The following EEF1AKMT2 variants were observed in gnomAD, a reference collection of about 807,000 sequenced individuals.
EEF1AKMT2 encodes the protein EEF1A lysine methyltransferase 2.
In EEF1AKMT2, 32 loss-of-function variants were observed where a neutral mutation model predicts 35.8. The observed-to-expected ratio is 0.89, with a 90% confidence interval of 0.67 to 1.20. EEF1AKMT2 has a LOEUF of 1.20. Ranked by LOEUF, EEF1AKMT2 falls within the 50% of genes most tolerant of loss-of-function variation. EEF1AKMT2 has a pLI of 0.00. For synonymous variants in EEF1AKMT2, 121 were observed against 133.7 expected, an observed-to-expected ratio of 0.91 and a Z score of 0.65; for missense variants, 330 against 347.5, an observed-to-expected ratio of 0.95 and a Z score of 0.40.
At chr10:124,765,301 TA>T in intron 5 of EEF1AKMT2, 90 bp downstream of exon 5, 2 of 1,081,248 alleles carry the variant, frequency 1.8e-6, no homozygotes, top group African/African-American at 1.6e-5. Flanking sequence ...AATAGAAAAG[TA>T]AAACACTATA....
intron 5 of EEF1AKMT2, among the ~76,000 whole-genome samples, chr10:124,764,728 A>G (rs749534283): frequency 6.6e-6 from 1 of 152,232 alleles, no homozygotes; most frequent in South Asian, 2.1e-4. Context: ...CTATAATATC[A>G]AAACTCTCAG....
At chr10:124,775,268 T>C (rs1950478961) in intron 3 of EEF1AKMT2, among the ~76,000 whole-genome samples, 1 of 152,240 alleles carries the variant, frequency 6.6e-6, no homozygotes, top group Non-Finnish European at 1.5e-5. Context: ...TACATTTGTA[T>C]ACTACTTTTA....
chr10:124,765,512 C>T lies in EEF1AKMT2; in HGVS notation c.496G>A (p.Ala166Thr), dbSNP rs1479957797. The change falls in exon 5 of 7, where the codon GCA becomes ACA. Residue 166 changes from alanine to threonine, a missense_variant. By Grantham distance (58) the Ala-to-Thr change is moderately conservative. Transcript: ENST00000368836. ...ACATATTGCTTCCTCTTCTCAATTG[C>T]ATTGTCAGGATTAAGGCTTATGGCA... ...FDAISLNPDN[A>T]IEKRKQYVKS... The T allele has an allele frequency of 6.2e-7, 1 of 1,613,924 alleles. No individual in the cohort carries two copies. The highest frequency in any genetic ancestry group is 1.7e-5 in the Admixed American group (1 of 60,016).
At chr10:124,772,072 AAAG>A (rs1950441619) in intron 4 of EEF1AKMT2, among the ~76,000 whole-genome samples, 1 of 152,198 alleles carries the variant, frequency 6.6e-6, no homozygotes, top group Non-Finnish European at 1.5e-5. Flanking sequence ...GAGCTCATGC[AAAG>A]AAGATCTAGC....
At chr10:124,780,985 T>A (rs1288061514) in intron 3 of EEF1AKMT2, among the ~76,000 whole-genome samples, 7 of 151,984 alleles carry the variant, frequency 4.6e-5, no homozygotes, top group Admixed American at 4.6e-4. Flanking sequence ...CTTGCTCTGC[T>A]GCCAAGCTGG....
intron 3 of EEF1AKMT2, among the ~76,000 whole-genome samples, chr10:124,786,521 A>T (rs1380661862): frequency 6.6e-6 from 1 of 150,710 alleles, no homozygotes; most frequent in Non-Finnish European, 1.5e-5. Context: ...AAAAAAAAAG[A>T]AGTTCAGGCC....
intron 3 of EEF1AKMT2, among the ~76,000 whole-genome samples, chr10:124,785,872 G>A (rs1361095977): frequency 1.5e-5 from 2 of 135,492 alleles, no homozygotes; most frequent in Admixed American, 1.7e-4. Context: ...CTCCAGCCTG[G>A]GCAACAGAGC....
At chr10:124,784,678 C>G (rs1950569445) in intron 3 of EEF1AKMT2, among the ~76,000 whole-genome samples, 1 of 151,896 alleles carries the variant, frequency 6.6e-6, no homozygotes, top group African/African-American at 2.4e-5. Context: ...CGCCTGTAAT[C>G]CCAGAACTTT....
At chr10:124,769,933 C>T (rs1229831499) in intron 4 of EEF1AKMT2, among the ~76,000 whole-genome samples, 4 of 92,852 alleles carry the variant, frequency 4.3e-5, no homozygotes, top group South Asian at 8.3e-4. Context: ...GCAACAAGAG[C>T]GAAACTCCAT....
intron 4 of EEF1AKMT2, among the ~76,000 whole-genome samples, chr10:124,774,084 T>G (rs906881722): frequency 6.6e-6 from 1 of 152,100 alleles, no homozygotes; most frequent in African/African-American, 2.4e-5. Context: ...CCTTTTGATG[T>G]GGGCAGGGCG....
At chr10:124,779,755 A>AAAAAG (rs1950523631) in intron 3 of EEF1AKMT2, among the ~76,000 whole-genome samples, 2 of 141,416 alleles carry the variant, frequency 1.4e-5, no homozygotes, top group African/African-American at 2.6e-5. Context: ...CTCAAAAAAA[A>AAAAAG]AAAAAAAAAA....
In EEF1AKMT2 at chr10:124,789,071, G is replaced by C. The variant is rs375556025; in HGVS notation, c.263C>G (p.Thr88Ser). ...PLDASVLDIG[T>S]GNGVFLVELA... is the part of the protein sequence containing the mutation. ...TTCAACCAGGAAAACACCATTTCCA[G>C]TTCCAATATCAAGCACTGAAGCATC... Residue 88 changes from threonine (T) to serine (S), a missense_variant, in exon 3 of 7, where the codon ACT becomes AGT. Thr to Ser is a moderately conservative substitution (Grantham distance 58, BLOSUM62 1). Transcript: ENST00000368836. The C allele has an allele frequency of 2.5e-6, 4 of 1,613,018 alleles. No homozygotes were observed. In the African/African-American group the frequency reaches 5.3e-5, roughly 22 times the overall value.
chr10:124,769,946 CA>C (rs71484588), intron 4 of EEF1AKMT2, among the ~76,000 whole-genome samples: 8,273 of 59,750 alleles, frequency 0.14, 130 homozygotes, highest in East Asian at 0.26. Flanking sequence ...AACTCCATCT[CA>C]AAAAAAAAAA....
At chr10:124,787,433 C>CAA (rs398015024) in intron 3 of EEF1AKMT2, among the ~76,000 whole-genome samples, 795 of 36,802 alleles carry the variant, frequency 0.022, 49 homozygotes, top group East Asian at 0.03. Flanking sequence ...GACTCTGTCT[C>CAA]AAAAAAAAAA....
At chr10:124,767,251 C>A (rs566844861) in intron 4 of EEF1AKMT2, among the ~76,000 whole-genome samples, 5 of 149,828 alleles carry the variant, frequency 3.3e-5, no homozygotes, top group Non-Finnish European at 7.4e-5. Flanking sequence ...CAGTGGCTCA[C>A]GCCTGTAATC....
chr10:124,791,662 C>T, intron 1 of EEF1AKMT2, 62 bp downstream of exon 1: 1 of 1,538,540 alleles, frequency 6.5e-7, no homozygotes, highest in Non-Finnish European at 8.7e-7. Context: ...CCCCGCCGTC[C>T]CCTTCTCGGG....
rs377702531 is a variant in EEF1AKMT2 at position 124,771,257 on chromosome 10, A to G, written c.399+3418T>C. On this transcript the variant is annotated intron_variant, in intron 4 of 6. Transcript: ENST00000368836. The stretch of plus-strand genomic sequence containing the variant: ...TGAGACTACAGGCACCTGCCACCAC[A>G]CCTGGCTAATTCTTTGTATTTTTAG... Among the ~76,000 whole-genome samples the G allele has an allele frequency of 1.6e-4, 25 of 151,572 alleles. No homozygotes were observed. In the South Asian group the frequency reaches 4.8e-3, roughly 29 times the overall value.
intron 1 of EEF1AKMT2, 38 bp downstream of exon 1, chr10:124,791,686 G>A: frequency 6.5e-7 from 1 of 1,548,886 alleles, no homozygotes; most frequent in Non-Finnish European, 8.7e-7. Context: ...CAGGCAGGGC[G>A]GCACGGCTCA....
chr10:124,780,777 T>C (rs1032531001), intron 3 of EEF1AKMT2, among the ~76,000 whole-genome samples: 1 of 151,660 alleles, frequency 6.6e-6, no homozygotes, highest in African/African-American at 2.4e-5. Flanking sequence ...CCAAATAGGA[T>C]AAGCCAAAGA....
Sources: gnomAD v4.1 joint callset for allele counts (sites outside exome capture counted in the v4.1 genomes callset) on GRCh38, gnomAD v4.1.1 for gene constraint, MANE v1.5 for transcripts, NCBI Gene and HGNC (gene_info 2026-07-23, HGNC 2026-07-21) for gene names.